CCDC81: variants seen among roughly 807,000 people sequenced by gnomAD.
CCDC81 encodes the protein coiled-coil domain-containing protein 81.
CCDC81 carries 79 observed loss-of-function variants against 83.7 expected under a neutral mutation model. The observed-to-expected ratio is 0.94, with a 90% confidence interval of 0.79 to 1.14. CCDC81 has a LOEUF of 1.14. CCDC81 is among the 50% of genes most tolerant of loss of function. CCDC81 has a pLI of 0.00. For missense variants in CCDC81, 791 were observed against 778.1 expected (o/e 1.02, Z -0.20); for synonymous variants, 252 against 278.1 (o/e 0.91, Z 0.93).
chr11:86,395,229 C>G (rs1466481268), intron 4 of CCDC81, 105 bp from the exon 5 acceptor site: 4 of 796,196 alleles, frequency 5.0e-6, no homozygotes, highest in Admixed American at 5.0e-5. Context: ...TAAACAACAA[C>G]AAGAAAAGTA....
chr11:86,412,877 TG>T (rs545522156), intron 11 of CCDC81, among the ~76,000 whole-genome samples: 9 of 152,264 alleles, frequency 5.9e-5, no homozygotes, highest in Non-Finnish European at 1.3e-4. Context: ...GAAGCCCCAG[TG>T]GGCATGTGTT....
chr11:86,387,580 A>G lies in CCDC81; in HGVS notation c.206A>G (p.Asn69Ser). 1 of 1,613,840 alleles carries G rather than the reference A, an allele frequency of 6.2e-7. No homozygotes were observed. Among genetic ancestry groups the G allele is most frequent in the East Asian group, 2.2e-5 (1 of 44,874 alleles). The change falls in exon 3 of 15, where the codon AAC becomes AGC. Residue 69 changes from asparagine (N) to serine (S), a missense_variant. Transcript: ENST00000445632. ...FIRQKLEVGN[N>S]KFILIQRPVF... ...AGACAAAAGCTTGAGGTGGGAAACA[A>G]CAAATTTATCTTAATCCAGAGGCCT... is the stretch of plus-strand genomic sequence containing the variant.
intron 10 of CCDC81, among the ~76,000 whole-genome samples, chr11:86,412,120 A>G (rs1165567004): frequency 6.6e-6 from 1 of 152,200 alleles, no homozygotes; most frequent in Non-Finnish European, 1.5e-5. Flanking sequence ...TTCCCTGGCA[A>G]TAATCATTGT....
rs1593917030 is a variant in CCDC81 at position 86,392,793 on chromosome 11, C to G, written c.551C>G (p.Ala184Gly). 1 of 1,547,814 alleles carries G rather than the reference C, an allele frequency of 6.5e-7. No individual in the cohort carries two copies. Among genetic ancestry groups the G allele is most frequent in the Admixed American group, 2.0e-5 (1 of 50,360 alleles). Reference protein sequence around the residue: ...DGSGALAKALANRPGTVDSVL... With the variant: ...DGSGALAKALGNRPGTVDSVL... Reference sequence around the variant, plus strand: ...AGTGGGGCTTTGGCAAAGGCCCTAGCAAATGTAAATTAATATTTTCCTTCT... The same window carrying G: ...AGTGGGGCTTTGGCAAAGGCCCTAGGAAATGTAAATTAATATTTTCCTTCT... Residue 184 changes from alanine to glycine, a missense_variant, in exon 4 of 15, where the codon GCA becomes GGA. Transcript: ENST00000445632.
chr11:86,386,222 G>T (rs1026028622), intron 2 of CCDC81, 110 bp downstream of exon 2: 8 of 315,864 alleles, frequency 2.5e-5, no homozygotes, highest in Non-Finnish European at 3.3e-5. Flanking sequence ...TGGGAGCAGG[G>T]CAGTAGACTT....
At chr11:86,380,553 C>T (rs1948163429) in intron 1 of CCDC81, among the ~76,000 whole-genome samples, 1 of 152,120 alleles carries the variant, frequency 6.6e-6, no homozygotes, top group South Asian at 2.1e-4. Flanking sequence ...ATTTCTCCCT[C>T]TTCTCCTGGT....
chr11:86,406,903 A>C (rs1948573613), intron 7 of CCDC81, among the ~76,000 whole-genome samples: 1 of 152,192 alleles, frequency 6.6e-6, no homozygotes, highest in South Asian at 2.1e-4. Flanking sequence ...TAATGAATTA[A>C]TACTAGTATT....
chr11:86,414,605 C>A (rs1296472971), intron 11 of CCDC81, 184 bp from the exon 12 acceptor site: 4 of 560,082 alleles, frequency 7.1e-6, no homozygotes, highest in Admixed American at 3.6e-5. Flanking sequence ...CTGTGCCTGG[C>A]CGCCTATGGA....
At chr11:86,387,837 TAG>T (rs1212747037) in intron 3 of CCDC81, among the ~76,000 whole-genome samples, 165 bp downstream of exon 3, 1 of 152,140 alleles carries the variant, frequency 6.6e-6, no homozygotes, top group African/African-American at 2.4e-5. Flanking sequence ...GGAAAAATAA[TAG>T]AGTCTTCCTG....
intron 3 of CCDC81, among the ~76,000 whole-genome samples, chr11:86,391,008 C>A (rs1948321346): frequency 6.6e-6 from 1 of 152,024 alleles, no homozygotes. Flanking sequence ...AATAAACAAA[C>A]CTCAGTATCT....
chr11:86,383,707 A>T (rs1593908952), intron 1 of CCDC81, among the ~76,000 whole-genome samples: 1 of 152,158 alleles, frequency 6.6e-6, no homozygotes. Context: ...TCATTTTGAG[A>T]TTTAATGATA....
intron 1 of CCDC81, among the ~76,000 whole-genome samples, chr11:86,383,708 T>C (rs1001168079): frequency 6.6e-6 from 1 of 152,232 alleles, no homozygotes; most frequent in African/African-American, 2.4e-5. Context: ...CATTTTGAGA[T>C]TTAATGATAT....
At chr11:86,389,152 G>A (rs536732123) in intron 3 of CCDC81, among the ~76,000 whole-genome samples, 38 of 152,010 alleles carry the variant, frequency 2.5e-4, no homozygotes, top group Admixed American at 2.1e-3. Flanking sequence ...AAACTTAGAC[G>A]GGCATGATGG....
At chr11:86,378,826 C>A (rs1170228187) in intron 1 of CCDC81, among the ~76,000 whole-genome samples, 1 of 152,136 alleles carries the variant, frequency 6.6e-6, no homozygotes, top group African/African-American at 2.4e-5. Flanking sequence ...TATTTTCCTC[C>A]ATCCATCTAC....
chr11:86,409,427 TC>T (rs1019412182), intron 10 of CCDC81, 62 bp downstream of exon 10: 14 of 752,052 alleles, frequency 1.9e-5, no homozygotes, highest in Non-Finnish European at 3.0e-5. Context: ...TTGGATCCAC[TC>T]CCTGTGTTGC....
At chr11:86,387,462 A>G in intron 2 of CCDC81, 54 bp from the exon 3 acceptor site, 1 of 1,551,802 alleles carries the variant, frequency 6.4e-7, no homozygotes, top group Non-Finnish European at 8.8e-7. Context: ...ATTAAGGATT[A>G]TTTTTTCTTC....
In CCDC81 at chr11:86,396,977, A is replaced by G. The variant is rs78441623; in HGVS notation, c.636-644A>G. Among the ~76,000 whole-genome samples the G allele has an allele frequency of 9.3e-4, 142 of 152,176 alleles. 1 individual carries two copies. Among genetic ancestry groups the G allele is most frequent in the African/African-American group, 3.3e-3 (139 of 41,508 alleles). ...CATGGGGACTTAAATACTCAAAACAATTGTTGGTGTTTTATTTATGTGACA... is the reference window on the plus strand; with the variant it reads ...CATGGGGACTTAAATACTCAAAACAGTTGTTGGTGTTTTATTTATGTGACA... On this transcript the variant is annotated intron_variant, in intron 5 of 14. Transcript: ENST00000445632.
intron 7 of CCDC81, among the ~76,000 whole-genome samples, chr11:86,404,809 A>C (rs1948542455): frequency 6.6e-6 from 1 of 152,312 alleles, no homozygotes; most frequent in South Asian, 2.1e-4. Flanking sequence ...AGACTTATAC[A>C]ATACTTAATT....
intron 14 of CCDC81, among the ~76,000 whole-genome samples, chr11:86,422,324 G>A (rs1948803022): frequency 6.6e-6 from 1 of 152,202 alleles, no homozygotes; most frequent in Admixed American, 6.5e-5. Context: ...GGGCTTGGGT[G>A]GTTGAGGCTG....
Sources: allele counts gnomAD v4.1 joint callset (sites outside exome capture counted in the v4.1 genomes callset), GRCh38; gene constraint gnomAD v4.1.1; transcripts MANE v1.5; gene names NCBI Gene and HGNC (gene_info 2026-07-23, HGNC 2026-07-21).